DAND5: variants seen among roughly 807,000 people sequenced by gnomAD.
DAND5 encodes DAN domain BMP antagonist family member 5, also known as DAN domain family member 5.
A neutral mutation model predicts 9.2 loss-of-function variants in DAND5; 8 were observed. That is an observed-to-expected ratio of 0.87 (90% CI 0.51 to 1.56). The LOEUF (loss-of-function observed/expected upper bound fraction) is 1.56, where lower values mean the gene tolerates loss of function less well. Among genes scored for constraint, DAND5 ranks in the 40% most tolerant of loss-of-function variants. The pLI, the probability that DAND5 is intolerant of heterozygous loss-of-function variation, is 0.00. For synonymous variants in DAND5, 95 were observed against 101.1 expected, an observed-to-expected ratio of 0.94 and a Z score of 0.36; for missense variants, 244 against 244.7, an observed-to-expected ratio of 1.00 and a Z score of 0.02.
intron 1 of DAND5, among the ~76,000 whole-genome samples, chr19:12,971,381 C>T (rs547290256): frequency 6.8e-4 from 104 of 152,112 alleles, no homozygotes; most frequent in Non-Finnish European, 1.4e-3. Flanking sequence ...CGGGTTCAAG[C>T]GATTCTCCTG....
rs564506268 is a variant in DAND5, at chr19:12,971,341, C to T, written c.324+1357C>T. Among the ~76,000 whole-genome samples the T allele has an allele frequency of 8.6e-5, 13 of 152,014 alleles. No individual in the cohort carries two copies. In the East Asian group the frequency reaches 2.1e-3, roughly 25 times the overall value. On this transcript the variant is annotated intron_variant, in intron 1 of 1. Coordinates refer to ENST00000317060, the MANE Select transcript of DAND5 (RefSeq NM_152654.3). ...CTGCCCAGGCTGCAGTGCAATGGCGCGATCTCAGCTCACTGCAACCTCCGC... is the reference window on the plus strand; with the variant it reads ...CTGCCCAGGCTGCAGTGCAATGGCGTGATCTCAGCTCACTGCAACCTCCGC...
chr19:12,973,410 T>G lies in DAND5; in HGVS notation c.346T>G (p.Ser116Ala), dbSNP rs753087971. The change falls in exon 2 of 2, where the codon TCA (serine) becomes GCA (alanine). Residue 116 changes from serine (S) to alanine (A), a missense_variant. Coordinates refer to ENST00000317060, the MANE Select transcript of DAND5 (RefSeq NM_152654.3). ...FVQVFSRPGC[S>A]AIRLRNHLCF... Reference sequence around the variant, plus strand: ...CCAGGTGTTCTCCCGGCCCGGCTGCTCAGCCATACGCCTCCGAAATCATCT... The same window carrying G: ...CCAGGTGTTCTCCCGGCCCGGCTGCGCAGCCATACGCCTCCGAAATCATCT... 2.0e-5 allele frequency: 32 copies of G among 1,614,106 alleles called. No homozygotes were observed. In the South Asian group the frequency reaches 3.5e-4, roughly 18 times the overall value.
At position 12,973,868 on chromosome 19, in the gene DAND5, T is replaced by C; in HGVS notation, c.*234T>C. Reference sequence around the variant, plus strand: ...ACACAATGATTGACAACTCACTTTTTTTTTTTTTTTTTGAGATGGAGTCTC... The same window carrying C: ...ACACAATGATTGACAACTCACTTTTCTTTTTTTTTTTTGAGATGGAGTCTC... On this transcript the variant is annotated 3_prime_UTR_variant, in exon 2 of 2. Coordinates refer to ENST00000317060, the MANE Select transcript of DAND5 (RefSeq NM_152654.3). The C allele has an allele frequency of 2.0e-6, 1 of 508,570 alleles. No individual in the cohort carries two copies. The allele number at this position is 508,570 out of a possible 1,614,324, so 31.5% of individuals were successfully genotyped here. A position where few individuals can be genotyped will look rare whatever the true frequency, so the allele number is the denominator to read the frequency against.
intron 1 of DAND5, among the ~76,000 whole-genome samples, chr19:12,972,861 C>CTTTTTTTTT (rs1212086930): frequency 2.9e-5 from 3 of 104,714 alleles, no homozygotes; most frequent in Non-Finnish European, 5.7e-5. Flanking sequence ...AATTTCTTTT[C>CTTTTTTTTT]TTTTTTTTTT....
chr19:12,972,963 C>T (rs1490671790), intron 1 of DAND5, among the ~76,000 whole-genome samples: 1 of 150,084 alleles, frequency 6.7e-6, no homozygotes, highest in Non-Finnish European at 1.5e-5. Context: ...CCTGGGTTCA[C>T]ACCATTCTTC....
At chr19:12,970,569 T>C (rs2011141210) in intron 1 of DAND5, 1 of 486,832 alleles carries the variant, frequency 2.1e-6, no homozygotes, top group Non-Finnish European at 3.7e-6. Context: ...TATACCAACT[T>C]TCTTTCTTTT....
chr19:12,970,453 A>C, intron 1 of DAND5: 1 of 701,834 alleles, frequency 1.4e-6, no homozygotes. Flanking sequence ...TTTTTTAGAC[A>C]CGGGAGTCTC....
At chr19:12,972,988 G>C (rs368627581) in intron 1 of DAND5, among the ~76,000 whole-genome samples, 1 of 146,484 alleles carries the variant, frequency 6.8e-6, no homozygotes, top group African/African-American at 2.5e-5. Flanking sequence ...TCAGTCTCCC[G>C]AGTAGCTGGG....
intron 1 of DAND5, among the ~76,000 whole-genome samples, chr19:12,971,209 C>T (rs544446328): frequency 2.2e-4 from 33 of 152,212 alleles, no homozygotes; most frequent in Admixed American, 9.8e-4. Flanking sequence ...CCTACTGGTA[C>T]CATCATCAGG....
intron 1 of DAND5, among the ~76,000 whole-genome samples, chr19:12,972,861 CTTTTT>C: frequency 9.5e-6 from 1 of 104,722 alleles, no homozygotes; most frequent in Admixed American, 1.2e-4. Flanking sequence ...AATTTCTTTT[CTTTTT>C]TTTTTTTTTT....
Position 12,972,924 on chromosome 19 carries a change from G to A in DAND5, c.325-465G>A, listed in dbSNP as rs189540289. On this transcript the variant is annotated intron_variant, in intron 1 of 1. Transcript: ENST00000317060. Reference sequence around the variant, plus strand: ...TGTCCCCAGGCTGGAGTGCAGTGGCGCTATCTCGGCTCACTACAAGCTCCG... The same window carrying A: ...TGTCCCCAGGCTGGAGTGCAGTGGCACTATCTCGGCTCACTACAAGCTCCG... Among the ~76,000 whole-genome samples, 52 of 147,212 alleles carry A rather than the reference G, an allele frequency of 3.5e-4. 1 individual carries two copies. Among genetic ancestry groups the A allele is most frequent in the Admixed American group, 1.2e-3 (17 of 14,286 alleles).
chr19:12,970,002 G>A lies in DAND5; in HGVS notation c.324+18G>A, dbSNP rs757503679. 6.2e-7 allele frequency: 1 copy of A among 1,612,490 alleles called. No homozygotes were observed. The highest frequency in any genetic ancestry group is 8.5e-7 in the Non-Finnish European group (1 of 1,179,808). On this transcript the variant is annotated intron_variant, in intron 1 of 1. Transcript: ENST00000317060. ...TCGTTCAGGTGAGTGGGTGGGTGTGGGGAGGAGAGGGCTGGGTCTCACCAT... is the reference window on the plus strand; with the variant it reads ...TCGTTCAGGTGAGTGGGTGGGTGTGAGGAGGAGAGGGCTGGGTCTCACCAT...
At chr19:12,972,800 CA>C (rs2011151678) in intron 1 of DAND5, among the ~76,000 whole-genome samples, 1 of 151,754 alleles carries the variant, frequency 6.6e-6, no homozygotes, top group South Asian at 2.1e-4. Flanking sequence ...CTCAGCCTCC[CA>C]AAATGCTGGG....
rs751104409 is a variant in DAND5 at position 12,969,595 on chromosome 19, C to T, written c.-66C>T. ...GATGCCACTCACCAGACAGCAGGGTCGACTGCTAGTGACCTTGAGCCCAGT... is the reference window on the plus strand; with the variant it reads ...GATGCCACTCACCAGACAGCAGGGTTGACTGCTAGTGACCTTGAGCCCAGT... On this transcript the variant is annotated 5_prime_UTR_variant, in exon 1 of 2. Coordinates refer to ENST00000317060, the MANE Select transcript of DAND5 (RefSeq NM_152654.3). 11 of 1,503,434 alleles carry T rather than the reference C, an allele frequency of 7.3e-6. No homozygotes were observed. The highest frequency in any genetic ancestry group is 5.3e-5 in the South Asian group (4 of 75,816). The allele number at this position is 1,503,434 out of a possible 1,614,324, so 93.1% of individuals were successfully genotyped here.
intron 1 of DAND5, chr19:12,970,329 C>A: frequency 1.6e-6 from 1 of 625,266 alleles, no homozygotes. Context: ...CCACAAATTT[C>A]TGTACTCTCT....
rs199651835 is a variant in DAND5, at chr19:12,969,650, C to T, written c.-11C>T. On this transcript the variant is annotated 5_prime_UTR_variant, in exon 1 of 2. It adds an upstream start codon to the 5' untranslated region. Transcript: ENST00000317060. ...ACAGACAGACAGGCAGACAGACGCACGGACAAGCAGATGCTCCTTGGCCAG... is the reference window on the plus strand; with the variant it reads ...ACAGACAGACAGGCAGACAGACGCATGGACAAGCAGATGCTCCTTGGCCAG... 2.0e-5 allele frequency: 32 copies of T among 1,587,506 alleles called. No homozygotes were observed. Among genetic ancestry groups the T allele is most frequent in the South Asian group, 4.6e-5 (4 of 86,256 alleles).
At position 12,973,422 on chromosome 19, in the gene DAND5, C is replaced by T. The variant is rs1429752097; in HGVS notation, c.358C>T (p.Leu120Phe). The change falls in exon 2 of 2, where the codon CTC becomes TTC. Residue 120 changes from leucine (L) to phenylalanine (F), a missense_variant. Coordinates refer to ENST00000317060, the MANE Select transcript of DAND5 (RefSeq NM_152654.3). ...CCGGCCCGGCTGCTCAGCCATACGCCTCCGAAATCATCTGTGCTTTGGTCA... is the reference window on the plus strand; with the variant it reads ...CCGGCCCGGCTGCTCAGCCATACGCTTCCGAAATCATCTGTGCTTTGGTCA... ...FSRPGCSAIR[L>F]RNHLCFGHCS... is the part of the protein sequence containing the mutation. 6 of 1,614,160 alleles carry T rather than the reference C, an allele frequency of 3.7e-6. No homozygotes were observed. The South Asian group carries it at 5.5e-5, about 15-fold the overall frequency.
At chr19:12,970,128 C>G in intron 1 of DAND5, 144 bp downstream of exon 1, 1 of 957,352 alleles carries the variant, frequency 1.0e-6, no homozygotes, top group Non-Finnish European at 1.5e-6. Flanking sequence ...TTGTAAAATG[C>G]GACCCAAGCC....
At chr19:12,970,646 T>G (rs911397074) in intron 1 of DAND5, 1 of 474,678 alleles carries the variant, frequency 2.1e-6, no homozygotes, top group African/African-American at 2.0e-5. Context: ...TTTCTCTTTC[T>G]TTCTTTCTTT....
Sources: gnomAD v4.1 joint callset for allele counts (sites outside exome capture counted in the v4.1 genomes callset) on GRCh38, gnomAD v4.1.1 for gene constraint, MANE v1.5 for transcripts, NCBI Gene and HGNC (gene_info 2026-07-23, HGNC 2026-07-21) for gene names.